Variants in ADGRL3 observed in about 807,000 individuals in gnomAD.
ADGRL3 encodes calcium-independent alpha-latrotoxin receptor 3.
ADGRL3 carries 62 observed loss-of-function variants against 153.5 expected under a neutral mutation model. The observed-to-expected ratio is 0.40, with a 90% CI of 0.33 to 0.50. ADGRL3 has a LOEUF of 0.50. Ranked by LOEUF, ADGRL3 falls within the 20% of genes least tolerant of loss-of-function variation. ADGRL3 has a pLI of 0.47. For missense variants in ADGRL3, 1,641 were observed against 1,859.4 expected (o/e 0.88, Z 2.16); for synonymous variants, 710 against 672.5 (o/e 1.06, Z -0.86).
At chr4:61,496,866 G>A (rs1343379671) in intron 2 of ADGRL3, among the ~76,000 whole-genome samples, 4 of 151,560 alleles carry the variant, frequency 2.6e-5, no homozygotes, top group Non-Finnish European at 4.4e-5. Context: ...GCGTGAACCC[G>A]GGAGGCGGAG....
chr4:61,478,752 T>C (rs528922990), intron 2 of ADGRL3, among the ~76,000 whole-genome samples: 70 of 152,158 alleles, frequency 4.6e-4, no homozygotes, highest in Middle Eastern at 3.4e-3. Context: ...AATTTGCCCT[T>C]AAGTATTGAT....
At chr4:61,439,468 T>C (rs1329660013) in intron 2 of ADGRL3, among the ~76,000 whole-genome samples, 1 of 152,200 alleles carries the variant, frequency 6.6e-6, no homozygotes, top group Non-Finnish European at 1.5e-5. Flanking sequence ...GTTTTTATTA[T>C]TATACGAAAT....
intron 1 of ADGRL3, among the ~76,000 whole-genome samples, chr4:61,247,231 C>T (rs986535005): frequency 8.6e-5 from 13 of 151,934 alleles, no homozygotes; most frequent in Non-Finnish European, 1.9e-4. Flanking sequence ...GAGCTACATC[C>T]TGGGGATAGG....
chr4:61,521,619 A>G (rs1184562007), intron 4 of ADGRL3, among the ~76,000 whole-genome samples: 1 of 152,132 alleles, frequency 6.6e-6, no homozygotes, highest in Non-Finnish European at 1.5e-5. Context: ...GGAGTGAGTG[A>G]TAGTAGTGAT....
intron 12 of ADGRL3, among the ~76,000 whole-genome samples, chr4:61,910,470 A>G (rs1425566156): frequency 8.2e-4 from 1 of 1,222 alleles, no homozygotes; most frequent in Non-Finnish European, 9.3e-3. Flanking sequence ...TAAACATATA[A>G]AATATATTTC....
intron 25 of ADGRL3, among the ~76,000 whole-genome samples, chr4:62,048,982 G>A (rs1284630719): frequency 6.6e-6 from 1 of 152,008 alleles, no homozygotes; most frequent in African/African-American, 2.4e-5. Flanking sequence ...ACTCTATGTA[G>A]AAATTAGGAT....
chr4:61,931,869 T>C (rs879455384), intron 13 of ADGRL3, among the ~76,000 whole-genome samples: 2 of 152,142 alleles, frequency 1.3e-5, no homozygotes, highest in Non-Finnish European at 2.9e-5. Flanking sequence ...GTTTTTTAGT[T>C]GCAAAACTAA....
intron 1 of ADGRL3, among the ~76,000 whole-genome samples, chr4:61,372,697 G>C (rs376838265): frequency 7.2e-4 from 109 of 152,146 alleles, no homozygotes; most frequent in Non-Finnish European, 8.5e-4. Context: ...TCTGTGCCCT[G>C]CCCCCAGAGG....
chr4:61,824,047 G>C (rs755894395), intron 9 of ADGRL3, among the ~76,000 whole-genome samples: 5 of 138,410 alleles, frequency 3.6e-5, no homozygotes, highest in Admixed American at 7.4e-5. Context: ...GGGCGACAGA[G>C]CGAGAATCCG....
intron 8 of ADGRL3, among the ~76,000 whole-genome samples, chr4:61,756,642 A>T (rs1350494583): frequency 6.6e-6 from 1 of 152,142 alleles, no homozygotes; most frequent in South Asian, 2.1e-4. Context: ...CCTGGCCAGA[A>T]CTTCCAACAC....
At chr4:61,966,680 A>T (rs539345831) in intron 17 of ADGRL3, among the ~76,000 whole-genome samples, 13 of 152,212 alleles carry the variant, frequency 8.5e-5, no homozygotes, top group African/African-American at 3.1e-4. Context: ...TGAGCCCAGA[A>T]AACTCTGTTT....
In ADGRL3 at chr4:61,424,974, C is replaced by T. The variant is rs79921728; in HGVS notation, c.-174+41785C>T. Among the ~76,000 whole-genome samples, 185 of 152,244 alleles carry T rather than the reference C, an allele frequency of 1.2e-3. 2 individuals carry two copies. The East Asian group carries it at 0.026, about 21-fold the overall frequency. ...CAGGCACAAAGGCCATCCCCAGGTA[C>T]AAGGGCCAGTCCAGTTCACTGGTGC... On this transcript the variant is annotated intron_variant, in intron 2 of 26. Transcript: ENST00000683033.
chr4:61,948,274 A>G lies in ADGRL3; in HGVS notation c.2803A>G (p.Lys935Glu). The G allele has an allele frequency of 6.2e-7, 1 of 1,611,580 alleles. No homozygotes were observed. Among genetic ancestry groups the G allele is most frequent in the Non-Finnish European group, 8.5e-7 (1 of 1,177,794 alleles). The change falls in exon 17 of 27, where the codon AAG (lysine) becomes GAG (glutamate). Residue 935 changes from lysine (K) to glutamate (E), a missense_variant and splice_region_variant. Physicochemically the swap from Lys to Glu is moderately conservative, Grantham distance 56. This residue lies in a region of ADGRL3 where 734 missense variants were observed against 797.0 expected (regional missense o/e 0.92). Coordinates refer to ENST00000683033, the MANE Select transcript of ADGRL3 (RefSeq NM_001387552.1). ...AGTACTGATGGCACATGTGGAAGTT[A>G]AGGTAAGATATATACCATACAATGA... ...FAVLMAHVEV[K>E]HSDAVHDLLL...
chr4:61,921,853 C>T (rs563760896), intron 13 of ADGRL3, among the ~76,000 whole-genome samples: 3 of 152,100 alleles, frequency 2.0e-5, no homozygotes, highest in Middle Eastern at 3.4e-3. Flanking sequence ...AACTTGTGGC[C>T]GACCCACACA....
At chr4:61,377,713 A>G (rs926035570) in intron 1 of ADGRL3, among the ~76,000 whole-genome samples, 1 of 151,348 alleles carries the variant, frequency 6.6e-6, no homozygotes, top group Non-Finnish European at 1.5e-5. Context: ...TCTTTCCTTC[A>G]TTCCCTCTTT....
At chr4:61,827,974 C>A (rs11734607) in intron 9 of ADGRL3, among the ~76,000 whole-genome samples, 7 of 151,968 alleles carry the variant, frequency 4.6e-5, no homozygotes, top group African/African-American at 1.7e-4. Context: ...CTTTGGTCAC[C>A]GGGTGGTTAG....
chr4:61,827,630 TAA>T (rs2097823409), intron 9 of ADGRL3, among the ~76,000 whole-genome samples: 1 of 152,262 alleles, frequency 6.6e-6, no homozygotes, highest in South Asian at 2.1e-4. Context: ...GAGTGCAAAC[TAA>T]AAGACAGTAG....
intron 5 of ADGRL3, among the ~76,000 whole-genome samples, chr4:61,609,174 C>T (rs532902865): frequency 6.6e-5 from 10 of 152,026 alleles, no homozygotes; most frequent in East Asian, 3.9e-4. Context: ...TTAGTCTGTT[C>T]GCCAATTTTA....
At chr4:61,998,405 A>G (rs1228775857) in intron 21 of ADGRL3, 140 bp downstream of exon 21, 1 of 446,322 alleles carries the variant, frequency 2.2e-6, no homozygotes, top group African/African-American at 2.0e-5. Context: ...TTATTGATTG[A>G]CTATCAAAGT....
Sources: allele counts gnomAD v4.1 joint callset (sites outside exome capture counted in the v4.1 genomes callset), GRCh38; gene constraint gnomAD v4.1.1; regional missense constraint gnomAD v4.1.1; transcripts MANE v1.5; gene names NCBI Gene and HGNC (gene_info 2026-07-23, HGNC 2026-07-21).